PGM5: variants seen among roughly 807,000 people sequenced by gnomAD.
The protein encoded by PGM5 is phosphoglucomutase-like protein 5.
In PGM5, 23 loss-of-function variants were observed where a neutral mutation model predicts 59.2. That is an observed-to-expected ratio of 0.39 (90% CI 0.28 to 0.55). The LOEUF (loss-of-function observed/expected upper bound fraction) is 0.55. Ranked by LOEUF, PGM5 falls within the 20% of genes least tolerant of loss-of-function variation. PGM5 has a pLI of 0.66. For missense variants in PGM5, 574 were observed against 748.3 expected (o/e 0.77, Z 2.72); for synonymous variants, 214 against 286.0 (o/e 0.75, Z 2.54).
intron 7 of PGM5, among the ~76,000 whole-genome samples, chr9:68,467,807 A>G (rs1554685941): frequency 6.6e-6 from 1 of 152,022 alleles, no homozygotes; most frequent in Non-Finnish European, 1.5e-5. Context: ...TAATGTTTAT[A>G]TGAAGAGAAG....
At chr9:68,419,029 C>T (rs1823084314) in intron 6 of PGM5, among the ~76,000 whole-genome samples, 1 of 152,242 alleles carries the variant, frequency 6.6e-6, no homozygotes, top group South Asian at 2.1e-4. Context: ...ACAAGGTGCG[C>T]CCCTGCCCCA....
At chr9:68,417,442 T>C (rs150773246) in intron 6 of PGM5, among the ~76,000 whole-genome samples, 228 of 152,252 alleles carry the variant, frequency 1.5e-3, no homozygotes, top group Non-Finnish European at 2.7e-3. Flanking sequence ...GTGAAATGCT[T>C]GTGTTGTATC....
intron 6 of PGM5, among the ~76,000 whole-genome samples, chr9:68,434,987 A>G (rs1403193613): frequency 1.3e-5 from 2 of 152,196 alleles, no homozygotes; most frequent in Non-Finnish European, 2.9e-5. Flanking sequence ...AGAGAAAGTG[A>G]TGGCCATTCT....
intron 6 of PGM5, among the ~76,000 whole-genome samples, chr9:68,417,353 A>G (rs1554682053): frequency 2.0e-5 from 3 of 152,164 alleles, no homozygotes; most frequent in Non-Finnish European, 2.9e-5. Flanking sequence ...ATTAGCCCCA[A>G]GAAGCTCTTT....
chr9:68,400,203 G>C (rs1175535218), intron 6 of PGM5, among the ~76,000 whole-genome samples: 1 of 152,088 alleles, frequency 6.6e-6, no homozygotes, highest in Non-Finnish European at 1.5e-5. Context: ...TTTAAAATGG[G>C]TTAGTGGGCT....
chr9:68,387,497 C>A lies in PGM5; in HGVS notation c.606C>A (p.Asn202Lys). ...TGGACCCAGTGGATATCTATCTTAACCTCCTTCGGACCATCTTTGACTTTC... is the reference window on the plus strand; with the variant it reads ...TGGACCCAGTGGATATCTATCTTAAACTCCTTCGGACCATCTTTGACTTTC... ...EIVDPVDIYL[N>K]LLRTIFDFHA... Residue 202 changes from asparagine (N) to lysine (K), a missense_variant, in exon 4 of 11, where the codon AAC becomes AAA. Asn to Lys is a moderately conservative substitution (Grantham distance 94). Transcript: ENST00000396396. 1 of 1,611,860 alleles carries A rather than the reference C, an allele frequency of 6.2e-7. No individual in the cohort carries two copies. Among genetic ancestry groups the A allele is most frequent in the Non-Finnish European group, 8.5e-7 (1 of 1,178,292 alleles).
At chr9:68,434,504 TG>T (rs1475591352) in intron 6 of PGM5, among the ~76,000 whole-genome samples, 2 of 152,016 alleles carry the variant, frequency 1.3e-5, no homozygotes, top group African/African-American at 4.8e-5. Flanking sequence ...GTGTGAAACC[TG>T]GTGTTAAAAT....
chr9:68,366,975 G>A (rs1834691341), intron 1 of PGM5, among the ~76,000 whole-genome samples: 1 of 152,164 alleles, frequency 6.6e-6, no homozygotes, highest in South Asian at 2.1e-4. Flanking sequence ...GATCACAGTT[G>A]CTTTGGTGCA....
intron 7 of PGM5, chr9:68,466,144 T>A (rs1554685790): frequency 7.7e-7 from 1 of 1,299,912 alleles, no homozygotes; most frequent in African/African-American, 1.5e-5. Context: ...TCTCCCCTTT[T>A]TTCTTCTTGT....
chr9:68,384,421 G>A lies in PGM5; in HGVS notation c.448G>A (p.Asp150Asn). The A allele has an allele frequency of 1.2e-6, 2 of 1,607,396 alleles. No homozygotes were observed. Among genetic ancestry groups the A allele is most frequent in the Non-Finnish European group, 1.7e-6 (2 of 1,175,106 alleles). The change falls in exon 3 of 11, where the codon GAC becomes AAC. Residue 150 changes from aspartate (D) to asparagine (N), a missense_variant. Asp to Asn is a conservative substitution (Grantham distance 23). Coordinates refer to ENST00000396396, the MANE Select transcript of PGM5 (RefSeq NM_021965.4). Reference protein sequence around the residue: ...NGGPAPDVVSDKIYQISKTIE... With the variant: ...NGGPAPDVVSNKIYQISKTIE... ...AGGTCCTGCACCCGATGTTGTCTCAGACAAAATCTACCAAATCAGCAAAAC... is the reference window on the plus strand; with the variant it reads ...AGGTCCTGCACCCGATGTTGTCTCAAACAAAATCTACCAAATCAGCAAAAC...
At chr9:68,365,614 T>A (rs1834664562) in intron 1 of PGM5, among the ~76,000 whole-genome samples, 1 of 152,230 alleles carries the variant, frequency 6.6e-6, no homozygotes, top group African/African-American at 2.4e-5. Flanking sequence ...CAAAAGTTCT[T>A]TTTCTTAGTC....
intron 3 of PGM5, among the ~76,000 whole-genome samples, chr9:68,385,327 C>T (rs1822189537): frequency 6.6e-6 from 1 of 152,160 alleles, no homozygotes; most frequent in Non-Finnish European, 1.5e-5. Flanking sequence ...CTTCTATAAG[C>T]TTGAATGCAG....
chr9:68,519,166 C>A (rs1218676208), intron 10 of PGM5, among the ~76,000 whole-genome samples: 2 of 151,744 alleles, frequency 1.3e-5, no homozygotes, highest in African/African-American at 2.4e-5. Context: ...AGTATCTACA[C>A]AAAAAGAAAT....
chr9:68,508,130 G>T (rs782634457), intron 10 of PGM5, among the ~76,000 whole-genome samples: 1 of 152,092 alleles, frequency 6.6e-6, no homozygotes, highest in Non-Finnish European at 1.5e-5. Flanking sequence ...GACTGCCACC[G>T]TGAACCACTC....
chr9:68,484,109 A>G (rs1413565234), intron 9 of PGM5, 61 bp downstream of exon 9: 38 of 1,408,252 alleles, frequency 2.7e-5, no homozygotes, highest in Middle Eastern at 2.4e-4. Context: ...AAAATGTCCT[A>G]GAACTGGAGA....
chr9:68,434,182 T>G (rs1261768799), intron 6 of PGM5, among the ~76,000 whole-genome samples: 1 of 150,622 alleles, frequency 6.6e-6, no homozygotes, highest in Non-Finnish European at 1.5e-5. Context: ...CTGTGCATGG[T>G]GGTGGGTGCC....
intron 10 of PGM5, among the ~76,000 whole-genome samples, chr9:68,528,993 T>G (rs1026516622): frequency 6.6e-6 from 1 of 152,088 alleles, no homozygotes; most frequent in Non-Finnish European, 1.5e-5. Context: ...CATGCCCACC[T>G]CCTCCAGAAA....
At chr9:68,358,726 G>A (rs1276377668) in intron 1 of PGM5, among the ~76,000 whole-genome samples, 2 of 151,554 alleles carry the variant, frequency 1.3e-5, no homozygotes, top group African/African-American at 2.4e-5. Context: ...CCTCCTTCTC[G>A]GTGTTGCAGG....
chr9:68,516,141 A>G (rs1451225192), intron 10 of PGM5, among the ~76,000 whole-genome samples: 1 of 152,218 alleles, frequency 6.6e-6, no homozygotes, highest in East Asian at 1.9e-4. Flanking sequence ...TTGAACCTAG[A>G]TTTGGGCCTC....
Sources: gnomAD v4.1 joint callset for allele counts (sites outside exome capture counted in the v4.1 genomes callset) on GRCh38, gnomAD v4.1.1 for gene constraint, MANE v1.5 for transcripts, NCBI Gene and HGNC (gene_info 2026-07-23, HGNC 2026-07-21) for gene names.